The following ADGRB3 variants were observed in gnomAD, a reference collection of about 807,000 sequenced individuals.
ADGRB3 encodes the protein adhesion G protein-coupled receptor B3.
A neutral mutation model predicts 193.4 loss-of-function variants in ADGRB3; 37 were observed. That is an observed-to-expected ratio of 0.19 (90% CI 0.15 to 0.25). The LOEUF is 0.25. Ranked by LOEUF, ADGRB3 falls within the 10% of genes least tolerant of loss-of-function variation. ADGRB3 has a pLI of 1.00. For synonymous variants in ADGRB3, 690 were observed against 644.2 expected (o/e 1.07, Z -1.08); for missense variants, 1,637 against 1,852.9 (o/e 0.88, Z 2.14).
intron 3 of ADGRB3, among the ~76,000 whole-genome samples, chr6:68,810,320 C>A (rs1162686880): frequency 6.6e-6 from 1 of 152,110 alleles, no homozygotes; most frequent in Non-Finnish European, 1.5e-5. Flanking sequence ...AAACAATCAC[C>A]ACCAACCCCA....
intron 3 of ADGRB3, among the ~76,000 whole-genome samples, chr6:68,807,901 A>G (rs1214473958): frequency 6.6e-6 from 1 of 152,164 alleles, no homozygotes; most frequent in Non-Finnish European, 1.5e-5. Flanking sequence ...AACATTTATT[A>G]CGTATTTAAA....
intron 20 of ADGRB3, among the ~76,000 whole-genome samples, chr6:69,258,800 T>TC: frequency 6.6e-6 from 1 of 152,268 alleles, no homozygotes; most frequent in Admixed American, 6.5e-5. Context: ...TAATTCACCT[T>TC]CCCCACACCC....
At chr6:69,338,531 T>A (rs543990549) in intron 24 of ADGRB3, among the ~76,000 whole-genome samples, 1 of 152,244 alleles carries the variant, frequency 6.6e-6, no homozygotes, top group Admixed American at 6.5e-5. Context: ...CCTTCTGCAA[T>A]TAACAATGAA....
intron 3 of ADGRB3, among the ~76,000 whole-genome samples, chr6:68,677,774 T>A (rs1015490132): frequency 2.6e-5 from 4 of 151,812 alleles, no homozygotes; most frequent in African/African-American, 9.7e-5. Context: ...CAGGGCTAAT[T>A]TTTGTAATTT....
At chr6:69,203,786 C>A (rs1765482788) in intron 17 of ADGRB3, among the ~76,000 whole-genome samples, 1 of 152,098 alleles carries the variant, frequency 6.6e-6, no homozygotes, top group South Asian at 2.1e-4. Context: ...CCAGGAAATT[C>A]TTTTGAATCT....
chr6:68,731,556 A>C (rs1765776098), intron 3 of ADGRB3, among the ~76,000 whole-genome samples: 1 of 151,650 alleles, frequency 6.6e-6, no homozygotes, highest in African/African-American at 2.4e-5. Flanking sequence ...ACTTCAAATA[A>C]ATATGTTTTT....
chr6:68,721,938 ACAC>A (rs1358122918), intron 3 of ADGRB3, among the ~76,000 whole-genome samples: 1 of 151,462 alleles, frequency 6.6e-6, no homozygotes, highest in Admixed American at 6.6e-5. Flanking sequence ...TAATGCAACT[ACAC>A]AATAAGTTTT....
intron 8 of ADGRB3, among the ~76,000 whole-genome samples, chr6:68,962,602 A>G (rs993719514): frequency 2.0e-5 from 3 of 152,218 alleles, no homozygotes; most frequent in Non-Finnish European, 4.4e-5. Context: ...CTCAAATTGA[A>G]AAGAAAAATT....
At chr6:69,116,877 T>C (rs1276737625) in intron 17 of ADGRB3, among the ~76,000 whole-genome samples, 1 of 152,220 alleles carries the variant, frequency 6.6e-6, no homozygotes, top group Non-Finnish European at 1.5e-5. Flanking sequence ...GCTTCATTAG[T>C]GCCTGCCAAC....
rs554850291 is a variant in ADGRB3, at chr6:69,332,222, T to C, written c.3103-701T>C. 1.6e-3 allele frequency: 1,558 copies of C among 985,346 alleles called. 3 individuals carry two copies. Among genetic ancestry groups the C allele is most frequent in the Non-Finnish European group, 1.8e-3 (1,484 of 829,842 alleles). 61.0% of individuals were successfully genotyped at this position (985,346 alleles called of 1,614,324 possible). A position where few individuals can be genotyped will look rare whatever the true frequency, so the allele number is the denominator to read the frequency against. ...AGTTTTACTTGAAAAAGGAAAAATA[T>C]GTGTGATTTCATTTCATGTATCATG... is the stretch of plus-strand genomic sequence containing the variant. On this transcript the variant is annotated intron_variant, in intron 23 of 31. Coordinates refer to ENST00000370598, the MANE Select transcript of ADGRB3 (RefSeq NM_001704.3).
intron 20 of ADGRB3, among the ~76,000 whole-genome samples, chr6:69,275,170 T>A (rs544504274): frequency 1.3e-5 from 2 of 152,174 alleles, no homozygotes; most frequent in Non-Finnish European, 2.9e-5. Context: ...AGCATTGTGA[T>A]CTGACTAATA....
intron 30 of ADGRB3, among the ~76,000 whole-genome samples, chr6:69,375,544 A>G (rs796996828): frequency 8.5e-5 from 13 of 152,190 alleles, no homozygotes; most frequent in African/African-American, 3.1e-4. Flanking sequence ...AATCAAGAAG[A>G]TATCTAGTCA....
At chr6:68,949,325 G>GA (rs1417773091) in intron 6 of ADGRB3, among the ~76,000 whole-genome samples, 1 of 152,056 alleles carries the variant, frequency 6.6e-6, no homozygotes. Context: ...GCTTTCCTGG[G>GA]AGCCCAAACC....
intron 17 of ADGRB3, among the ~76,000 whole-genome samples, chr6:69,211,117 G>A (rs1419167431): frequency 7.9e-5 from 12 of 152,180 alleles, no homozygotes; most frequent in African/African-American, 2.2e-4. Context: ...GAGAGACTCC[G>A]TCTCAAAAGA....
At chr6:69,357,718 C>T (rs571837031) in intron 28 of ADGRB3, among the ~76,000 whole-genome samples, 1 of 151,972 alleles carries the variant, frequency 6.6e-6, no homozygotes, top group South Asian at 2.1e-4. Flanking sequence ...AGAGTATGGT[C>T]ATAGCAAAAC....
chr6:69,036,482 A>G (rs1352260504), intron 13 of ADGRB3, among the ~76,000 whole-genome samples: 1 of 152,146 alleles, frequency 6.6e-6, no homozygotes, highest in Non-Finnish European at 1.5e-5. Flanking sequence ...CAAACTCACT[A>G]TATGCTAAGA....
At chr6:68,676,388 T>TAA (rs1769088236) in intron 3 of ADGRB3, among the ~76,000 whole-genome samples, 1 of 60,930 alleles carries the variant, frequency 1.6e-5, no homozygotes, top group African/African-American at 7.5e-5. Context: ...AGACTCTGTC[T>TAA]CAAAAAAAAA....
intron 16 of ADGRB3, among the ~76,000 whole-genome samples, chr6:69,067,932 G>C (rs1014068319): frequency 3.9e-5 from 6 of 151,984 alleles, no homozygotes; most frequent in African/African-American, 1.5e-4. Flanking sequence ...TTGGAGCAGG[G>C]GGTCAGCAAA....
intron 3 of ADGRB3, among the ~76,000 whole-genome samples, chr6:68,721,322 T>G (rs1765573513): frequency 1.3e-5 from 2 of 151,854 alleles, no homozygotes; most frequent in South Asian, 4.1e-4. Context: ...TCACGTCCTT[T>G]GTAGGGACAT....
Sources: gnomAD v4.1 joint callset for allele counts (sites outside exome capture counted in the v4.1 genomes callset) on GRCh38, gnomAD v4.1.1 for gene constraint, MANE v1.5 for transcripts, NCBI Gene and HGNC (gene_info 2026-07-23, HGNC 2026-07-21) for gene names.